The following INHBA variants were observed in gnomAD, a reference collection of about 807,000 sequenced individuals.
INHBA encodes inhibin beta A chain.
A neutral mutation model predicts 29.0 loss-of-function variants in INHBA; 1 was observed. The observed-to-expected ratio is 0.03, with a 90% CI of 0.01 to 0.16. The LOEUF is 0.16. Ranked by LOEUF, INHBA falls within the 10% of genes least tolerant of loss-of-function variation. The probability of loss-of-function intolerance (pLI) is 1.00; values close to 1 mark genes in which losing one functional copy is unlikely to be tolerated. For missense variants in INHBA, 376 were observed against 545.4 expected, an observed-to-expected ratio of 0.69 and a Z score of 3.09; for synonymous variants, 242 against 216.8, an observed-to-expected ratio of 1.12 and a Z score of -1.02.
rs928500774 is a variant in INHBA at position 41,700,432 on chromosome 7, C to T, written c.-58G>A. On this transcript the variant is annotated 5_prime_UTR_variant, in exon 2 of 3. Coordinates refer to ENST00000242208, the MANE Select transcript of INHBA (RefSeq NM_002192.4). The stretch of plus-strand genomic sequence containing the variant: ...TAAAAGGCCCTGCTTTTCCTCCCCC[C>T]TCACGCGCAGGTTTTTTTGTGTGTG... 17 of 1,351,970 alleles carry T rather than the reference C, an allele frequency of 1.3e-5. No individual in the cohort carries two copies. The highest frequency in any genetic ancestry group is 9.2e-5 in the South Asian group (4 of 43,576). 83.7% of individuals were successfully genotyped at this position (1,351,970 alleles called of 1,614,324 possible). A position where few individuals can be genotyped will look rare whatever the true frequency, so the allele number is the denominator to read the frequency against.
At chr7:41,695,672 G>A (rs1337488259) in intron 2 of INHBA, among the ~76,000 whole-genome samples, 1 of 152,118 alleles carries the variant, frequency 6.6e-6, no homozygotes, top group Admixed American at 6.5e-5. Flanking sequence ...CATTAAAGTG[G>A]TGATGAAAAA....
At chr7:41,700,611 A>C in intron 1 of INHBA, 94 bp from the exon 2 acceptor site, 1 of 157,266 alleles carries the variant, frequency 6.4e-6, no homozygotes, top group Non-Finnish European at 1.3e-5. Context: ...GTCAGGGAGG[A>C]GAGTTCTGAC....
intron 2 of INHBA, among the ~76,000 whole-genome samples, chr7:41,697,039 A>G (rs1354068784): frequency 6.6e-6 from 1 of 152,204 alleles, no homozygotes. Context: ...GTACATTATT[A>G]TTATGCATTG....
In INHBA at chr7:41,685,949, T is replaced by G. The variant is rs1794386377; in HGVS notation, c.*3701A>C. The G allele has an allele frequency of 6.6e-6, 1 of 152,124 alleles. No individual in the cohort carries two copies. Among genetic ancestry groups the G allele is most frequent in the South Asian group, 2.1e-4 (1 of 4,824 alleles). The allele number at this position is 152,124 out of a possible 1,614,324, so 9.4% of individuals were successfully genotyped here. ...ATTGAAAAGAGAAGTTGCCAAAAGG[T>G]GCACAGGAAATCATTTTTTTAAGTG... On this transcript the variant is annotated 3_prime_UTR_variant, in exon 3 of 3. Coordinates refer to ENST00000242208, the MANE Select transcript of INHBA (RefSeq NM_002192.4).
chr7:41,700,607 G>C (rs1428919512), intron 1 of INHBA, 90 bp from the exon 2 acceptor site: 2 of 192,120 alleles, frequency 1.0e-5, no homozygotes, highest in African/African-American at 4.8e-5. Flanking sequence ...GGCTGTCAGG[G>C]AGGAGAGTTC....
chr7:41,700,964 C>T lies in INHBA; in HGVS notation c.-143-447G>A, dbSNP rs1415802728. ...TGTGATTAGGGAGGGAGGGACAGCC[C>T]GTTTTCTGACAGGCTGCTCTCCTTC... is the stretch of plus-strand genomic sequence containing the variant. On this transcript the variant is annotated intron_variant, in intron 1 of 2. Coordinates refer to ENST00000242208, the MANE Select transcript of INHBA (RefSeq NM_002192.4). 2.0e-5 allele frequency among the ~76,000 whole-genome samples: 3 copies of T among 151,756 alleles called. No homozygotes were observed. In the East Asian group the frequency reaches 5.8e-4, roughly 29 times the overall value.
chr7:41,694,080 T>C (rs1377204662), intron 2 of INHBA: 1 of 152,240 alleles, frequency 6.6e-6, no homozygotes, highest in African/African-American at 2.4e-5. Context: ...ATGTCTACCT[T>C]ATATGCAGGT....
chr7:41,687,724 T>G lies in INHBA; in HGVS notation c.*1926A>C, dbSNP rs1470432399. 6.6e-6 allele frequency: 1 copy of G among 152,222 alleles called. No individual in the cohort carries two copies. The highest frequency in any genetic ancestry group is 1.5e-5 in the Non-Finnish European group (1 of 68,036). The allele number at this position is 152,222 out of a possible 1,614,324, so 9.4% of individuals were successfully genotyped here. On this transcript the variant is annotated 3_prime_UTR_variant, in exon 3 of 3. Transcript: ENST00000242208. ...ACTTTCTCTCAAATTAATTATCTTT[T>G]AGTTAGTGATGACATTATTTTTCCC...
rs1054994166 is a variant in INHBA, at chr7:41,689,211, G to T, written c.*439C>A. 6 of 236,870 alleles carry T rather than the reference G, an allele frequency of 2.5e-5. No homozygotes were observed. Among genetic ancestry groups the T allele is most frequent in the African/African-American group, 6.6e-5 (3 of 45,274 alleles). 14.7% of individuals were successfully genotyped at this position (236,870 alleles called of 1,614,324 possible). On this transcript the variant is annotated 3_prime_UTR_variant, in exon 3 of 3. Transcript: ENST00000242208. Reference sequence around the variant, plus strand: ...TGGGTAATTGGGTAGGAAAGTGCCTGTGATGGGCCCTTTCAAACTCATGGC... The same window carrying T: ...TGGGTAATTGGGTAGGAAAGTGCCTTTGATGGGCCCTTTCAAACTCATGGC...
Position 41,689,515 on chromosome 7 carries a change from TTTTTTTTG to T in INHBA, c.*127_*134del, listed in dbSNP as rs1361920930. 1 of 798,926 alleles carries T rather than the reference TTTTTTTTG, an allele frequency of 1.3e-6. No individual in the cohort carries two copies. The highest frequency in any genetic ancestry group is 1.8e-6 in the Non-Finnish European group (1 of 563,710). The allele number at this position is 798,926 out of a possible 1,614,324, so 49.5% of individuals were successfully genotyped here. ...GGTTTTGTTTTTAATTTACTTTTGT[TTTTTTTTG>T]TTTTTTTTTTTGTTTTGTTTTTAAT... On this transcript the variant is annotated 3_prime_UTR_variant, in exon 3 of 3. Transcript: ENST00000242208.
rs1239200230 is a variant in INHBA, at chr7:41,689,399, C to T, written c.*251G>A. 1.3e-5 allele frequency: 6 copies of T among 463,660 alleles called. No homozygotes were observed. The highest frequency in any genetic ancestry group is 2.3e-5 in the Non-Finnish European group (6 of 264,502). The allele number at this position is 463,660 out of a possible 1,614,324, so 28.7% of individuals were successfully genotyped here. A position where few individuals can be genotyped will look rare whatever the true frequency, so the allele number is the denominator to read the frequency against. The stretch of plus-strand genomic sequence containing the variant: ...AAGAAATAAAGGGTACACCATTCTC[C>T]CTTTCCCTCCCAATTCCTGTCTCTT... On this transcript the variant is annotated 3_prime_UTR_variant, in exon 3 of 3. Transcript: ENST00000242208.
In INHBA at chr7:41,690,349, T is replaced by C; in HGVS notation, c.582A>G (p.Glu194=). ...GSLDTGEEAE[E]VGLKGERSEL... ...CACTCCTCTCCCCCTTTAAGCCCAC[T>C]TCCTCGGCCTCTTCCCCTGTGTCCA... Residue 194 remains glutamate, a synonymous_variant, in exon 3 of 3, where the codon GAA becomes GAG. Coordinates refer to ENST00000242208, the MANE Select transcript of INHBA (RefSeq NM_002192.4). 6.2e-7 allele frequency: 1 copy of C among 1,614,012 alleles called. No individual in the cohort carries two copies. Among genetic ancestry groups the C allele is most frequent in the Non-Finnish European group, 8.5e-7 (1 of 1,179,994 alleles).
chr7:41,692,491 C>G (rs1794545868), intron 2 of INHBA: 1 of 152,202 alleles, frequency 6.6e-6, no homozygotes, highest in South Asian at 2.1e-4. Flanking sequence ...ACTCTGCACA[C>G]TGTGATTATG....
intron 2 of INHBA, among the ~76,000 whole-genome samples, chr7:41,698,687 G>A (rs766321661): frequency 6.6e-6 from 1 of 152,102 alleles, no homozygotes. Context: ...AGGACACCAG[G>A]GCTTCTCCTG....
chr7:41,704,191 C>G (rs1794859561), upstream of INHBA, among the ~76,000 whole-genome samples: 1 of 152,172 alleles, frequency 6.6e-6, no homozygotes, highest in Admixed American at 6.5e-5. Flanking sequence ...TATAGAGGCT[C>G]TGGCCTCCTG....
chr7:41,699,227 G>A (rs897756599), intron 2 of INHBA, among the ~76,000 whole-genome samples: 1 of 152,192 alleles, frequency 6.6e-6, no homozygotes, highest in African/African-American at 2.4e-5. Flanking sequence ...CTTTGTCAAG[G>A]TTGCGTTCCT....
At chr7:41,698,400 C>A (rs950250832) in intron 2 of INHBA, among the ~76,000 whole-genome samples, 2 of 152,162 alleles carry the variant, frequency 1.3e-5, no homozygotes, top group Admixed American at 1.3e-4. Flanking sequence ...AGACAGGAAG[C>A]AACCCTCTAG....
chr7:41,700,469 A>AC lies in INHBA; in HGVS notation c.-96_-95insG. On this transcript the variant is annotated 5_prime_UTR_variant, in exon 2 of 3. Transcript: ENST00000242208. ...TTTTTTTGTGTGTGTGGATTTTTTT[A>AC]TTTTTTTTTTTGGTGTTTTTTTTTT... The AC allele has an allele frequency of 5.3e-6, 5 of 944,100 alleles. No homozygotes were observed. Among genetic ancestry groups the AC allele is most frequent in the Non-Finnish European group, 7.0e-6 (5 of 716,802 alleles). The allele number at this position is 944,100 out of a possible 1,614,324, so 58.5% of individuals were successfully genotyped here.
intron 2 of INHBA, among the ~76,000 whole-genome samples, chr7:41,698,186 A>G (rs1794691331): frequency 6.6e-6 from 1 of 152,212 alleles, no homozygotes; most frequent in Non-Finnish European, 1.5e-5. Flanking sequence ...AAATGGTCAA[A>G]TTTTTTCACT....
Sources: allele counts gnomAD v4.1 joint callset (sites outside exome capture counted in the v4.1 genomes callset), GRCh38; gene constraint gnomAD v4.1.1; transcripts MANE v1.5; gene names NCBI Gene and HGNC (gene_info 2026-07-23, HGNC 2026-07-21).